NHSL1: variants seen among roughly 807,000 people sequenced by gnomAD.
NHSL1 encodes NHS like 1, also known as NHS-like protein 1.
A neutral mutation model predicts 95.0 loss-of-function variants in NHSL1; 48 were observed. The observed-to-expected ratio is 0.51, with a 90% CI of 0.40 to 0.64. The LOEUF (loss-of-function observed/expected upper bound fraction) is 0.64. NHSL1 is among the 30% of genes least tolerant of loss of function. NHSL1 has a pLI of 0.00. For missense variants in NHSL1, 1,971 were observed against 2,077.7 expected (o/e 0.95, Z 1.00); for synonymous variants, 783 against 833.9 (o/e 0.94, Z 1.05).
In NHSL1 at chr6:138,425,660, T is replaced by C. The variant is rs184061430; in HGVS notation, c.4086-844A>G. Among the ~76,000 whole-genome samples, 20 of 152,334 alleles carry C rather than the reference T, an allele frequency of 1.3e-4. No homozygotes were observed. The East Asian group carries it at 3.7e-3, about 28-fold the overall frequency. On this transcript the variant is annotated intron_variant, in intron 7 of 7. Coordinates refer to ENST00000343505, the MANE Select transcript of NHSL1 (RefSeq NM_001144060.2). Reference sequence around the variant, plus strand: ...AGTGAATTTCACATGCTGACCCTCCTTTCTTTCTATGCTTCCTTTTCTTGT... The same window carrying C: ...AGTGAATTTCACATGCTGACCCTCCCTTCTTTCTATGCTTCCTTTTCTTGT...
intron 1 of NHSL1, among the ~76,000 whole-genome samples, chr6:138,516,698 G>C (rs1781475679): frequency 6.6e-6 from 1 of 152,130 alleles, no homozygotes; most frequent in Non-Finnish European, 1.5e-5. Flanking sequence ...GCAGTGGTGT[G>C]ATCTTGGCTC....
Position 138,462,970 on chromosome 6 carries a change from G to A in NHSL1, c.339+10336C>T, listed in dbSNP as rs1326235329. On this transcript the variant is annotated intron_variant, in intron 3 of 7. Transcript: ENST00000343505. ...GATGAAGAGGGCAGGGTTAATGGGT[G>A]AGAATTTCTCAGGGGGTGAAATAAT... is the stretch of plus-strand genomic sequence containing the variant. Among the ~76,000 whole-genome samples, 5 of 151,830 alleles carry A rather than the reference G, an allele frequency of 3.3e-5. No individual in the cohort carries two copies. In the South Asian group the frequency reaches 6.2e-4, roughly 19 times the overall value.
chr6:138,465,521 T>C (rs1381561885), intron 3 of NHSL1, among the ~76,000 whole-genome samples: 3 of 152,158 alleles, frequency 2.0e-5, no homozygotes, highest in Non-Finnish European at 4.4e-5. Flanking sequence ...CCCCATTTCC[T>C]GACTATCCAA....
intron 1 of NHSL1, among the ~76,000 whole-genome samples, chr6:138,684,981 T>C (rs1168161726): frequency 2.0e-5 from 3 of 152,200 alleles, no homozygotes; most frequent in Non-Finnish European, 2.9e-5. Context: ...TTTTTTTCTT[T>C]TTACACCTTC....
intron 3 of NHSL1, among the ~76,000 whole-genome samples, chr6:138,466,042 G>GGA (rs1554229052): frequency 1.4e-5 from 1 of 69,326 alleles, no homozygotes; most frequent in Admixed American, 1.9e-4. Flanking sequence ...ACTCCTTTTT[G>GGA]GGGGGGGGGC....
At chr6:138,560,898 C>G (rs1367631390) in intron 1 of NHSL1, among the ~76,000 whole-genome samples, 2 of 152,200 alleles carry the variant, frequency 1.3e-5, no homozygotes, top group African/African-American at 4.8e-5. Context: ...GGCAAGGGAA[C>G]TGTATCGACA....
intron 1 of NHSL1, among the ~76,000 whole-genome samples, chr6:138,622,014 T>C (rs890229035): frequency 6.6e-6 from 1 of 152,054 alleles, no homozygotes; most frequent in Admixed American, 6.6e-5. Context: ...GAAGATTAAA[T>C]GAGGTAAGGT....
At chr6:138,540,867 G>C (rs1243681986) in intron 1 of NHSL1, among the ~76,000 whole-genome samples, 1 of 152,168 alleles carries the variant, frequency 6.6e-6, no homozygotes, top group Non-Finnish European at 1.5e-5. Context: ...CATGAAACTA[G>C]ATTTCTACCT....
At chr6:138,548,368 A>G (rs1334460746), upstream of NHSL1, among the ~76,000 whole-genome samples, 2 of 152,226 alleles carry the variant, frequency 1.3e-5, no homozygotes, top group Non-Finnish European at 2.9e-5. Context: ...TTCCAGTCAT[A>G]TCTATATGAC....
At chr6:138,506,865 T>C (rs1780989250) in intron 1 of NHSL1, among the ~76,000 whole-genome samples, 1 of 152,228 alleles carries the variant, frequency 6.6e-6, no homozygotes, top group Admixed American at 6.5e-5. Flanking sequence ...AAAAAACTAC[T>C]TAAGATTAAT....
At chr6:138,605,027 AATAATT>A (rs747166063) in intron 1 of NHSL1, among the ~76,000 whole-genome samples, 6 of 152,184 alleles carry the variant, frequency 3.9e-5, no homozygotes, top group Non-Finnish European at 8.8e-5. Context: ...TTTCTTCTGA[AATAATT>A]ATAGACTCAC....
At chr6:138,646,226 C>T in intron 1 of NHSL1, among the ~76,000 whole-genome samples, 1 of 152,182 alleles carries the variant, frequency 6.6e-6, no homozygotes, top group South Asian at 2.1e-4. Flanking sequence ...ACATAAATCC[C>T]TTGTTATAGG....
At chr6:138,593,239 G>C (rs1224427755) in intron 1 of NHSL1, among the ~76,000 whole-genome samples, 2 of 152,192 alleles carry the variant, frequency 1.3e-5, no homozygotes, top group African/African-American at 4.8e-5. Flanking sequence ...AGGCAGTCAG[G>C]AGCACTGCTA....
intron 4 of NHSL1, among the ~76,000 whole-genome samples, chr6:138,445,371 T>A (rs974479383): frequency 6.6e-6 from 1 of 152,178 alleles, no homozygotes; most frequent in Admixed American, 6.5e-5. Context: ...CATTGACCAG[T>A]ACACATTATA....
chr6:138,494,427 C>T (rs1188021506), intron 2 of NHSL1, among the ~76,000 whole-genome samples: 2 of 152,212 alleles, frequency 1.3e-5, no homozygotes. Context: ...AGTTTCTAAT[C>T]ATTGTGCTTC....
At chr6:138,532,613 T>A (rs9495113) in intron 1 of NHSL1, among the ~76,000 whole-genome samples, 14,657 of 151,922 alleles carry the variant, frequency 0.096, 1,248 homozygotes, top group African/African-American at 0.24. Flanking sequence ...TCTCATTTGA[T>A]CCCCCACAAA....
intron 1 of NHSL1, among the ~76,000 whole-genome samples, chr6:138,632,699 C>T (rs555337748): frequency 6.6e-6 from 1 of 152,280 alleles, no homozygotes; most frequent in East Asian, 1.9e-4. Flanking sequence ...CAGCACAACA[C>T]CCAAGTCCTT....
chr6:138,466,769 TCATATAAAAATATGACA>T (rs1453635930), intron 3 of NHSL1, among the ~76,000 whole-genome samples: 1 of 137,366 alleles, frequency 7.3e-6, no homozygotes, highest in African/African-American at 3.0e-5. Context: ...GCCCTGAGAG[TCATATAAAAATATGACA>T]CATATAAAAA....
intron 1 of NHSL1, among the ~76,000 whole-genome samples, chr6:138,667,146 A>G (rs1041230993): frequency 2.0e-5 from 3 of 152,180 alleles, no homozygotes; most frequent in Admixed American, 2.0e-4. Flanking sequence ...TGGGGCCCTC[A>G]ATACCACCTG....
Sources: allele counts gnomAD v4.1 joint callset (sites outside exome capture counted in the v4.1 genomes callset), GRCh38; gene constraint gnomAD v4.1.1; transcripts MANE v1.5; gene names NCBI Gene and HGNC (gene_info 2026-07-23, HGNC 2026-07-21).